Variants in STXBP5L observed in about 807,000 individuals in gnomAD.
STXBP5L encodes the protein syntaxin binding protein 5L, also known as syntaxin-binding protein 5-like.
Under a neutral mutation model 144.5 loss-of-function variants are expected in STXBP5L, and 65 were observed. That is an observed-to-expected ratio of 0.45 (90% CI 0.37 to 0.55). STXBP5L has a LOEUF of 0.55. Ranked by LOEUF, STXBP5L falls within the 20% of genes least tolerant of loss-of-function variation. The pLI, the probability that STXBP5L is intolerant of heterozygous loss-of-function variation, is 0.00. For missense variants in STXBP5L, 1,298 were observed against 1,405.5 expected, an observed-to-expected ratio of 0.92 and a Z score of 1.22; for synonymous variants, 505 against 469.6, an observed-to-expected ratio of 1.08 and a Z score of -0.97.
chr3:121,202,785 G>A (rs1037871056), intron 9 of STXBP5L, among the ~76,000 whole-genome samples: 1 of 151,702 alleles, frequency 6.6e-6, no homozygotes, highest in Admixed American at 6.6e-5. Context: ...TCTTAATAGG[G>A]TTCTTTTGTA....
chr3:121,007,368 G>T (rs936146947), intron 3 of STXBP5L, among the ~76,000 whole-genome samples: 2 of 151,838 alleles, frequency 1.3e-5, no homozygotes, highest in Non-Finnish European at 2.9e-5. Flanking sequence ...TTTGGCTGGT[G>T]TAGTTATTAA....
At position 120,945,392 on chromosome 3, in the gene STXBP5L, T is replaced by C. The variant is rs1384250264; in HGVS notation, c.190-9548T>C. Among the ~76,000 whole-genome samples, 6 of 151,852 alleles carry C rather than the reference T, an allele frequency of 4.0e-5. No homozygotes were observed. In the East Asian group the frequency reaches 9.6e-4, roughly 24 times the overall value. ...ACATATAGGTATTATTATTATTTTC[T>C]ATACATGGTAGTTTCCAATGGTTAC... On this transcript the variant is annotated intron_variant, in intron 2 of 26. Transcript: ENST00000471454.
At chr3:121,330,479 C>A (rs1322321898) in intron 20 of STXBP5L, among the ~76,000 whole-genome samples, 4 of 152,180 alleles carry the variant, frequency 2.6e-5, no homozygotes, top group African/African-American at 9.7e-5. Context: ...GCTCCTCTAC[C>A]CACCCTAATG....
At chr3:121,247,973 C>A (rs1202159636) in intron 14 of STXBP5L, among the ~76,000 whole-genome samples, 1 of 152,258 alleles carries the variant, frequency 6.6e-6, no homozygotes, top group African/African-American at 2.4e-5. Flanking sequence ...TGCCATCTGG[C>A]AAGCATCTGT....
chr3:121,116,395 A>G (rs894269948), intron 6 of STXBP5L, among the ~76,000 whole-genome samples: 3 of 152,076 alleles, frequency 2.0e-5, no homozygotes, highest in Admixed American at 6.6e-5. Flanking sequence ...TCTTGTCATG[A>G]TACTCCTTTT....
At chr3:121,118,652 G>T (rs1322216245) in intron 6 of STXBP5L, among the ~76,000 whole-genome samples, 1 of 151,636 alleles carries the variant, frequency 6.6e-6, no homozygotes, top group African/African-American at 2.4e-5. Context: ...CCTGAATGCA[G>T]GTATGGAGAA....
chr3:121,026,409 A>G (rs1017743338), intron 3 of STXBP5L, among the ~76,000 whole-genome samples: 26 of 152,050 alleles, frequency 1.7e-4, no homozygotes, highest in South Asian at 4.1e-4. Context: ...TTTTATTTTC[A>G]TTATAACACA....
chr3:121,061,031 T>C (rs528406386), intron 5 of STXBP5L, among the ~76,000 whole-genome samples: 53 of 152,330 alleles, frequency 3.5e-4, no homozygotes, highest in Admixed American at 6.5e-4. Context: ...ATATGTTTGC[T>C]CTTGCTTTTT....
At chr3:121,384,500 GA>G (rs1338365467) in intron 22 of STXBP5L, among the ~76,000 whole-genome samples, 1 of 151,764 alleles carries the variant, frequency 6.6e-6, no homozygotes, top group African/African-American at 2.4e-5. Flanking sequence ...CCTGTCTCTA[GA>G]AAAAAAATTT....
chr3:121,265,989 G>A (rs189224749), intron 18 of STXBP5L, among the ~76,000 whole-genome samples: 1 of 152,052 alleles, frequency 6.6e-6, no homozygotes, highest in Non-Finnish European at 1.5e-5. Context: ...GTAATTAATA[G>A]CCTACCAACC....
intron 3 of STXBP5L, among the ~76,000 whole-genome samples, chr3:120,983,447 C>G (rs892511341): frequency 3.9e-5 from 6 of 152,064 alleles, no homozygotes; most frequent in African/African-American, 1.4e-4. Context: ...TGCTTTCTCT[C>G]TGGCCTTGTG....
intron 3 of STXBP5L, among the ~76,000 whole-genome samples, chr3:120,983,257 G>A (rs930469784): frequency 6.6e-6 from 1 of 151,838 alleles, no homozygotes; most frequent in South Asian, 2.1e-4. Context: ...GAGATGCTCA[G>A]ATGGGGGCAG....
chr3:121,294,598 A>G (rs548199707), intron 19 of STXBP5L, among the ~76,000 whole-genome samples: 1 of 151,740 alleles, frequency 6.6e-6, no homozygotes, highest in East Asian at 1.9e-4. Flanking sequence ...AGGGTGGGGG[A>G]AGGAGGAAGC....
At chr3:120,979,797 C>T (rs1022621899) in intron 3 of STXBP5L, among the ~76,000 whole-genome samples, 1 of 152,066 alleles carries the variant, frequency 6.6e-6, no homozygotes, top group African/African-American at 2.4e-5. Context: ...TGTTCTTGTT[C>T]TTGAGGTGTG....
chr3:121,365,937 T>C (rs2045852487), intron 20 of STXBP5L, among the ~76,000 whole-genome samples: 1 of 151,960 alleles, frequency 6.6e-6, no homozygotes, highest in African/African-American at 2.4e-5. Context: ...TTTCACTGTA[T>C]CTTATATGTT....
chr3:121,045,431 C>T lies in STXBP5L; in HGVS notation c.370-4C>T. 6.3e-7 allele frequency: 1 copy of T among 1,596,968 alleles called. No homozygotes were observed. The highest frequency in any genetic ancestry group is 1.2e-5 in the South Asian group (1 of 86,734). ...ACACTTACTTTATCTTCTTTTTGTT[C>T]TAGGGTGCCTTGGTCAGTGCAAGTT... On this transcript the variant is annotated splice_region_variant and splice_polypyrimidine_tract_variant and intron_variant, in intron 4 of 26. Coordinates refer to ENST00000471454, the MANE Select transcript of STXBP5L (RefSeq NM_001308330.2).
At chr3:121,289,668 A>G (rs902290573) in intron 19 of STXBP5L, among the ~76,000 whole-genome samples, 2 of 152,220 alleles carry the variant, frequency 1.3e-5, no homozygotes, top group African/African-American at 4.8e-5. Context: ...ACAAGTCTCA[A>G]TAAATTTTTA....
chr3:121,209,708 T>G (rs576332807), intron 10 of STXBP5L, among the ~76,000 whole-genome samples: 2 of 152,146 alleles, frequency 1.3e-5, no homozygotes, highest in Non-Finnish European at 2.9e-5. Context: ...TTGTGATAGT[T>G]TGCTGAGAAT....
intron 20 of STXBP5L, among the ~76,000 whole-genome samples, chr3:121,325,142 G>A (rs890278588): frequency 4.0e-5 from 6 of 151,446 alleles, no homozygotes; most frequent in Non-Finnish European, 8.9e-5. Context: ...GTGTTAAAAA[G>A]AAAAAAAACA....
Sources: gnomAD v4.1 joint callset for allele counts (sites outside exome capture counted in the v4.1 genomes callset) on GRCh38, gnomAD v4.1.1 for gene constraint, MANE v1.5 for transcripts, NCBI Gene and HGNC (gene_info 2026-07-23, HGNC 2026-07-21) for gene names.